The following TEK variants were observed in gnomAD, a reference collection of about 807,000 sequenced individuals.
TEK encodes angiopoietin-1 receptor.
A neutral mutation model predicts 131.8 loss-of-function variants in TEK; 43 were observed. The observed-to-expected ratio is 0.33, with a 90% CI of 0.26 to 0.42. TEK has a LOEUF of 0.42. Ranked by LOEUF, TEK falls within the 10% of genes least tolerant of loss-of-function variation. The probability of loss-of-function intolerance (pLI) is 1.00; values close to 1 mark genes in which losing one functional copy is unlikely to be tolerated. For missense variants in TEK, 1,162 were observed against 1,384.4 expected (o/e 0.84, Z 2.55); for synonymous variants, 580 against 491.6 (o/e 1.18, Z -2.38).
intron 21 of TEK, among the ~76,000 whole-genome samples, chr9:27,227,423 T>C (rs1170664714): frequency 6.6e-6 from 1 of 152,182 alleles, no homozygotes; most frequent in African/African-American, 2.4e-5. Context: ...AAACCTGTTG[T>C]CTTAGTCATT....
chr9:27,155,819 G>GT lies in TEK; in HGVS notation c.53-1997dup, dbSNP rs11325198. On this transcript the variant is annotated intron_variant, in intron 1 of 22. Coordinates refer to ENST00000380036, the MANE Select transcript of TEK (RefSeq NM_000459.5). ...AGTTCAGACTCGGGGGAGCACTTTTGTTTTTTTTTTTTTTTGAGACAGAAT... is the reference window on the plus strand; with the variant it reads ...AGTTCAGACTCGGGGGAGCACTTTTGTTTTTTTTTTTTTTTTGAGACAGAAT... 1.9e-3 allele frequency among the ~76,000 whole-genome samples: 272 copies of GT among 139,758 alleles called. 1 individual carries two copies. Among genetic ancestry groups the GT allele is most frequent in the Middle Eastern group, 3.7e-3 (1 of 270 alleles). The allele number at this position is 139,758 out of a possible 152,430, so 91.7% of individuals were successfully genotyped here. A position where few individuals can be genotyped will look rare whatever the true frequency, so the allele number is the denominator to read the frequency against.
At chr9:27,166,073 G>T (rs1172199429) in intron 2 of TEK, among the ~76,000 whole-genome samples, 1 of 152,254 alleles carries the variant, frequency 6.6e-6, no homozygotes, top group African/African-American at 2.4e-5. Context: ...AGGGCACAGC[G>T]ACCAGCTGGT....
intron 1 of TEK, among the ~76,000 whole-genome samples, chr9:27,139,322 ATTTTTTT>A (rs1158698852): frequency 1.2e-5 from 1 of 86,922 alleles, no homozygotes; most frequent in Non-Finnish European, 2.2e-5. Context: ...AGCTTTAACA[ATTTTTTT>A]TTTTTTTTTT....
At chr9:27,218,638 G>A (rs757897755) in intron 19 of TEK, 139 bp from the exon 20 acceptor site, 3 of 824,562 alleles carry the variant, frequency 3.6e-6, no homozygotes, top group Non-Finnish European at 4.2e-6. Flanking sequence ...CCTACACTGT[G>A]TGCAAGGGCC....
intron 1 of TEK, among the ~76,000 whole-genome samples, chr9:27,153,970 G>C (rs923090969): frequency 4.6e-5 from 7 of 151,884 alleles, no homozygotes; most frequent in African/African-American, 1.5e-4. Flanking sequence ...TTTCAGCATT[G>C]TGAGATAACA....
chr9:27,118,506 C>G (rs1299095231), intron 1 of TEK, among the ~76,000 whole-genome samples: 3 of 152,104 alleles, frequency 2.0e-5, no homozygotes, highest in Non-Finnish European at 2.9e-5. Flanking sequence ...TGGTGGCACA[C>G]ACCTGTGGTC....
chr9:27,217,593 C>A, intron 18 of TEK, 95 bp from the exon 19 acceptor site: 4 of 1,076,656 alleles, frequency 3.7e-6, no homozygotes, highest in East Asian at 2.4e-5. Flanking sequence ...TCTGAGTCTA[C>A]CCAGCAATCA....
Position 27,229,416 on chromosome 9 carries a change from G to T in TEK, c.*184G>T. ...TATGTAGTATGCTCTGACTCTAATAGGACTGTATATACTGTTTTAAGAATG... is the reference window on the plus strand; with the variant it reads ...TATGTAGTATGCTCTGACTCTAATATGACTGTATATACTGTTTTAAGAATG... On this transcript the variant is annotated 3_prime_UTR_variant, in exon 23 of 23. Transcript: ENST00000380036. 1.5e-6 allele frequency: 1 copy of T among 672,848 alleles called. No homozygotes were observed. The highest frequency in any genetic ancestry group is 3.9e-4 in the Middle Eastern group (1 of 2,532). 41.7% of individuals were successfully genotyped at this position (672,848 alleles called of 1,614,324 possible).
At chr9:27,221,456 ACCCGACCCCTGTGCTC>A (rs1564109400) in intron 21 of TEK, among the ~76,000 whole-genome samples, 20 of 117,092 alleles carry the variant, frequency 1.7e-4, no homozygotes, top group South Asian at 3.4e-4. Context: ...TGGGTCCCTG[ACCCGACCCCTGTGCTC>A]CCTGACTGGG....
intron 2 of TEK, 121 bp downstream of exon 2, chr9:27,158,263 T>TTGCCTGTC (rs1035377873): frequency 1.7e-5 from 20 of 1,187,554 alleles, no homozygotes; most frequent in African/African-American, 1.2e-4. Context: ...CTTGACGATC[T>TTGCCTGTC]TGCCTGTCTC....
chr9:27,145,949 A>G (rs1034598742), intron 1 of TEK, among the ~76,000 whole-genome samples: 5 of 152,326 alleles, frequency 3.3e-5, no homozygotes, highest in African/African-American at 4.8e-5. Context: ...CAATAAGTGA[A>G]TATCTTCTAT....
intron 18 of TEK, among the ~76,000 whole-genome samples, chr9:27,214,301 G>A (rs1180656514): frequency 6.6e-6 from 1 of 152,138 alleles, no homozygotes; most frequent in African/African-American, 2.4e-5. Flanking sequence ...TCTTTTCCTT[G>A]GGTGGGCAGA....
chr9:27,218,708 T>A (rs1232150019), intron 19 of TEK, 69 bp from the exon 20 acceptor site: 8 of 1,577,774 alleles, frequency 5.1e-6, no homozygotes, highest in Non-Finnish European at 7.0e-6. Context: ...TCTCCCTGGC[T>A]TTTGGGGCCG....
intron 1 of TEK, among the ~76,000 whole-genome samples, chr9:27,115,613 T>C (rs538348056): frequency 2.6e-4 from 40 of 152,346 alleles, no homozygotes; most frequent in African/African-American, 8.9e-4. Context: ...AAACAACTTG[T>C]AGGTTGATTT....
intron 22 of TEK, 76 bp downstream of exon 22, chr9:27,228,381 A>G: frequency 1.7e-6 from 2 of 1,159,654 alleles, no homozygotes; most frequent in Middle Eastern, 2.1e-4. Context: ...AAAAACATTG[A>G]AATAATTGAA....
rs559141786 is a variant in TEK, at chr9:27,138,349, C to T, written c.53-19482C>T. On this transcript the variant is annotated intron_variant, in intron 1 of 22. Transcript: ENST00000380036. Reference sequence around the variant, plus strand: ...GCTGATTGGTCCATTTTACAGAGTGCTGATTGGTCCTTTTTACAGAGAGCT... The same window carrying T: ...GCTGATTGGTCCATTTTACAGAGTGTTGATTGGTCCTTTTTACAGAGAGCT... Among the ~76,000 whole-genome samples the T allele has an allele frequency of 1.3e-4, 20 of 152,298 alleles. No homozygotes were observed. In the South Asian group the frequency reaches 4.1e-3, roughly 32 times the overall value.
At chr9:27,109,916 T>A (rs1821267415) in intron 1 of TEK, among the ~76,000 whole-genome samples, 1 of 152,182 alleles carries the variant, frequency 6.6e-6, no homozygotes. Flanking sequence ...TTTGAAGAGA[T>A]CCCCTTACTA....
rs1337868520 is a variant in TEK, at chr9:27,229,081, A to C, written c.3301-77A>C. 4 of 1,329,736 alleles carry C rather than the reference A, an allele frequency of 3.0e-6. No homozygotes were observed. The Admixed American group carries it at 5.0e-5, about 17-fold the overall frequency. 82.4% of individuals were successfully genotyped at this position (1,329,736 alleles called of 1,614,324 possible). ...TGAGTTGCAACAAACTAAGAAAACCAAGGTATTGCTGTAACTGCCGCTGGC... is the reference window on the plus strand; with the variant it reads ...TGAGTTGCAACAAACTAAGAAAACCCAGGTATTGCTGTAACTGCCGCTGGC... On this transcript the variant is annotated intron_variant, in intron 22 of 22. Coordinates refer to ENST00000380036, the MANE Select transcript of TEK (RefSeq NM_000459.5).
intron 1 of TEK, 77 bp from the exon 2 acceptor site, chr9:27,157,754 C>T (rs1198680607): frequency 1.3e-6 from 2 of 1,492,186 alleles, no homozygotes; most frequent in Admixed American, 1.7e-5. Flanking sequence ...TAAGACAAGG[C>T]TTTGTGAGCA....
Sources: gnomAD v4.1 joint callset for allele counts (sites outside exome capture counted in the v4.1 genomes callset) on GRCh38, gnomAD v4.1.1 for gene constraint, MANE v1.5 for transcripts, NCBI Gene and HGNC (gene_info 2026-07-23, HGNC 2026-07-21) for gene names.